The following RBFOX1 variants were observed in gnomAD, a reference collection of about 807,000 sequenced individuals.
RBFOX1 encodes the protein RNA binding protein fox-1 homolog 1.
Under a neutral mutation model 57.7 loss-of-function variants are expected in RBFOX1, and 8 were observed. The ratio of observed to expected loss-of-function variants is 0.14; its 90% confidence interval spans 0.08 to 0.25. The LOEUF (loss-of-function observed/expected upper bound fraction) is 0.25, where lower values mean the gene tolerates loss of function less well. RBFOX1 is among the 10% of genes least tolerant of loss of function. The pLI is 1.00. For missense variants in RBFOX1, 611 were observed against 548.5 expected (o/e 1.11, Z -1.14); for synonymous variants, 326 against 222.4 (o/e 1.47, Z -4.15).
chr16:7,292,316 TATA>T (rs2141620786), intron 4 of RBFOX1, among the ~76,000 whole-genome samples: 1 of 130,310 alleles, frequency 7.7e-6, no homozygotes, highest in Non-Finnish European at 1.6e-5. Flanking sequence ...TATGACGTAT[TATA>T]TATCATATAT....
At chr16:7,520,338 G>A (rs539171840) in intron 5 of RBFOX1, among the ~76,000 whole-genome samples, 5 of 152,178 alleles carry the variant, frequency 3.3e-5, no homozygotes, top group African/African-American at 1.2e-4. Flanking sequence ...TATTCACAAT[G>A]TAGTGCAAAA....
chr16:6,790,184 T>G (rs1246844827), intron 3 of RBFOX1, among the ~76,000 whole-genome samples: 1 of 147,168 alleles, frequency 6.8e-6, no homozygotes, highest in Admixed American at 6.8e-5. Flanking sequence ...ATTATTATTA[T>G]TATTATTATT....
intron 3 of RBFOX1, among the ~76,000 whole-genome samples, chr16:6,947,682 T>G (rs1416186534): frequency 6.6e-6 from 1 of 152,244 alleles, no homozygotes; most frequent in East Asian, 1.9e-4. Context: ...GAAAGCTATA[T>G]GACTTCTCTG....
At chr16:7,134,068 C>A (rs1193414010) in intron 4 of RBFOX1, among the ~76,000 whole-genome samples, 1 of 152,184 alleles carries the variant, frequency 6.6e-6, no homozygotes, top group Non-Finnish European at 1.5e-5. Flanking sequence ...TGGAGGGAAT[C>A]ACGTTAGCAC....
intron 4 of RBFOX1, among the ~76,000 whole-genome samples, chr16:7,137,516 C>T (rs370654547): frequency 1.6e-4 from 25 of 152,294 alleles, no homozygotes; most frequent in East Asian, 3.9e-4. Context: ...TTTCACCTTC[C>T]GCCATGATTG....
chr16:6,733,078 C>T (rs1339610073), intron 3 of RBFOX1, among the ~76,000 whole-genome samples: 1 of 152,098 alleles, frequency 6.6e-6, no homozygotes, highest in African/African-American at 2.4e-5. Context: ...CTCCCTCTTA[C>T]ATAAAAAGAT....
intron 4 of RBFOX1, among the ~76,000 whole-genome samples, chr16:7,158,682 G>C (rs766399376): frequency 2.1e-5 from 3 of 142,460 alleles, no homozygotes; most frequent in Non-Finnish European, 4.7e-5. Context: ...ATGTGTGTAT[G>C]GTGTGTCTGT....
intron 4 of RBFOX1, among the ~76,000 whole-genome samples, chr16:7,166,002 G>T (rs1354264138): frequency 6.6e-6 from 1 of 150,796 alleles, no homozygotes; most frequent in Non-Finnish European, 1.5e-5. Flanking sequence ...TTGAAGGAGT[G>T]CATAGTCTAT....
At chr16:6,684,421 T>C (rs1049782503) in intron 3 of RBFOX1, among the ~76,000 whole-genome samples, 13 of 152,216 alleles carry the variant, frequency 8.5e-5, no homozygotes, top group African/African-American at 1.9e-4. Context: ...TTAAGTATCA[T>C]AGGAGAGGGA....
At chr16:6,452,807 A>C (rs2094664889) in intron 2 of RBFOX1, among the ~76,000 whole-genome samples, 1 of 152,186 alleles carries the variant, frequency 6.6e-6, no homozygotes, top group African/African-American at 2.4e-5. Context: ...TCTGTGTCTC[A>C]GTTGCCACAT....
intron 2 of RBFOX1, among the ~76,000 whole-genome samples, chr16:5,564,012 T>A (rs1178534014): frequency 6.6e-6 from 1 of 152,098 alleles, no homozygotes; most frequent in Non-Finnish European, 1.5e-5. Context: ...GAGAGTTTTT[T>A]TAAAAAATTT....
At chr16:5,730,672 G>A (rs1019009312) in intron 3 of RBFOX1, among the ~76,000 whole-genome samples, 4 of 151,140 alleles carry the variant, frequency 2.6e-5, no homozygotes, top group African/African-American at 9.7e-5. Flanking sequence ...TACCACTGCT[G>A]TTGTCACCAA....
intron 2 of RBFOX1, among the ~76,000 whole-genome samples, chr16:6,637,139 A>ATATATAATATATATT (rs2098444123): frequency 3.2e-5 from 3 of 92,812 alleles, no homozygotes; most frequent in Admixed American, 1.9e-4. Flanking sequence ...TATATATTAA[A>ATATATAATATATATT]TATATAATAT....
intron 4 of RBFOX1, among the ~76,000 whole-genome samples, chr16:5,881,246 G>C (rs952673793): frequency 3.3e-5 from 5 of 152,174 alleles, no homozygotes; most frequent in Admixed American, 3.3e-4. Flanking sequence ...AACTGGATGA[G>C]TCCAAGCTCA....
chr16:7,615,030 A>T (rs2058194848), intron 10 of RBFOX1: 1 of 152,188 alleles, frequency 6.6e-6, no homozygotes, highest in Non-Finnish European at 1.5e-5. Context: ...TCATGAGGTC[A>T]CAGAATATAA....
intron 4 of RBFOX1, among the ~76,000 whole-genome samples, chr16:5,893,230 T>C (rs8048580): frequency 0.92 from 139,782 of 152,310 alleles, 64,300 homozygotes; most frequent in East Asian, 0.97. Context: ...CAACACATAA[T>C]TTTGCACTCT....
chr16:6,343,851 C>G (rs192965369), intron 2 of RBFOX1, among the ~76,000 whole-genome samples: 1 of 152,084 alleles, frequency 6.6e-6, no homozygotes, highest in Non-Finnish European at 1.5e-5. Flanking sequence ...TGAACCTGGG[C>G]TTTGTCTTCA....
At chr16:6,869,730 C>T (rs761258023) in intron 3 of RBFOX1, among the ~76,000 whole-genome samples, 11 of 152,116 alleles carry the variant, frequency 7.2e-5, no homozygotes, top group South Asian at 2.1e-4. Context: ...TCTAGAGAAC[C>T]GTGTTGACTG....
At chr16:6,817,907 G>A (rs1194884997) in intron 3 of RBFOX1, among the ~76,000 whole-genome samples, 1 of 152,028 alleles carries the variant, frequency 6.6e-6, no homozygotes, top group Non-Finnish European at 1.5e-5. Flanking sequence ...CCCTGTTCCT[G>A]GGCCATTGCC....
Sources: gnomAD v4.1 joint callset for allele counts (sites outside exome capture counted in the v4.1 genomes callset) on GRCh38, gnomAD v4.1.1 for gene constraint, MANE v1.5 for transcripts, NCBI Gene and HGNC (gene_info 2026-07-23, HGNC 2026-07-21) for gene names.